Variants in FARS2 observed in about 807,000 individuals in gnomAD.
FARS2 encodes phenylalanine--tRNA ligase, mitochondrial.
Under a neutral mutation model 46.4 loss-of-function variants are expected in FARS2, and 40 were observed. The ratio of observed to expected loss-of-function variants is 0.86; its 90% CI spans 0.67 to 1.12. The LOEUF (loss-of-function observed/expected upper bound fraction) is 1.12, where lower values mean the gene tolerates loss of function less well. Among genes scored for constraint, FARS2 ranks in the 50% most tolerant of loss-of-function variants. The pLI, the probability that FARS2 is intolerant of heterozygous loss-of-function variation, is 0.00. For missense variants in FARS2, 513 were observed against 567.9 expected, an observed-to-expected ratio of 0.90 and a Z score of 0.98; for synonymous variants, 234 against 214.9, an observed-to-expected ratio of 1.09 and a Z score of -0.78.
At chr6:5,322,383 T>A (rs1352865357) in intron 1 of FARS2, among the ~76,000 whole-genome samples, 2 of 152,186 alleles carry the variant, frequency 1.3e-5, no homozygotes, top group East Asian at 1.9e-4. Context: ...ATAGAAAAGT[T>A]GGTTATGAAC....
intron 4 of FARS2, among the ~76,000 whole-genome samples, chr6:5,462,726 C>T (rs754600838): frequency 2.6e-5 from 4 of 152,182 alleles, no homozygotes; most frequent in Non-Finnish European, 2.9e-5. Flanking sequence ...GCTTTAGAAT[C>T]TATTTAAAAT....
intron 6 of FARS2, among the ~76,000 whole-genome samples, chr6:5,688,060 G>A (rs1036171217): frequency 1.3e-5 from 2 of 152,192 alleles, no homozygotes; most frequent in African/African-American, 4.8e-5. Flanking sequence ...TGTATCCTGA[G>A]ACTTTGCTGA....
intron 4 of FARS2, among the ~76,000 whole-genome samples, chr6:5,544,969 T>C (rs1299597874): frequency 6.6e-6 from 1 of 152,140 alleles, no homozygotes; most frequent in East Asian, 1.9e-4. Flanking sequence ...ACAGTATGAC[T>C]TCAGAATCCG....
intron 1 of FARS2, among the ~76,000 whole-genome samples, chr6:5,366,701 C>A (rs758875091): frequency 6.6e-6 from 1 of 152,134 alleles, no homozygotes; most frequent in Non-Finnish European, 1.5e-5. Context: ...GGAAAAGCAT[C>A]GACAGCAGCC....
At chr6:5,751,370 C>G (rs1477373472) in intron 6 of FARS2, among the ~76,000 whole-genome samples, 2 of 152,040 alleles carry the variant, frequency 1.3e-5, no homozygotes, top group Non-Finnish European at 2.9e-5. Flanking sequence ...ACAAATGCAT[C>G]AATTCTCAGC....
At chr6:5,439,040 G>T (rs1038495750) in intron 4 of FARS2, among the ~76,000 whole-genome samples, 2 of 152,166 alleles carry the variant, frequency 1.3e-5, no homozygotes, top group African/African-American at 2.4e-5. Context: ...TGATCAACCT[G>T]GTGAGCTCTA....
rs1772681844 is a variant in FARS2, at chr6:5,571,996, CTAGT to C, written c.1065+26661_1065+26664del. Among the ~76,000 whole-genome samples, 3 of 152,318 alleles carry C rather than the reference CTAGT, an allele frequency of 2.0e-5. No individual in the cohort carries two copies. In the South Asian group the frequency reaches 6.2e-4, roughly 32 times the overall value. ...CCCTCATCCTTTAATTTCTGCCAGCCTAGTTAGTCAGGCCCCTATCCTATATCAG... is the reference window on the plus strand; with the variant it reads ...CCCTCATCCTTTAATTTCTGCCAGCCTAGTCAGGCCCCTATCCTATATCAG... On this transcript the variant is annotated intron_variant, in intron 5 of 6. Coordinates refer to ENST00000274680, the MANE Select transcript of FARS2 (RefSeq NM_006567.5).
At chr6:5,363,368 G>A (rs911700074) in intron 1 of FARS2, among the ~76,000 whole-genome samples, 7 of 152,086 alleles carry the variant, frequency 4.6e-5, no homozygotes, top group Non-Finnish European at 1.0e-4. Flanking sequence ...ACTCTATTGA[G>A]TTTTTAAATA....
At chr6:5,601,446 C>T (rs1012477196) in intron 5 of FARS2, among the ~76,000 whole-genome samples, 1 of 143,008 alleles carries the variant, frequency 7.0e-6, no homozygotes, top group African/African-American at 2.7e-5. Context: ...ATCACTTGAA[C>T]TTGGGAGGCA....
chr6:5,652,898 G>C (rs1385994175), intron 6 of FARS2, among the ~76,000 whole-genome samples: 3 of 152,322 alleles, frequency 2.0e-5, no homozygotes, highest in Middle Eastern at 3.4e-3. Flanking sequence ...TCGTGTCCAG[G>C]ATCCTAAGAG....
chr6:5,674,528 C>T (rs903007473), intron 6 of FARS2, among the ~76,000 whole-genome samples: 1 of 152,100 alleles, frequency 6.6e-6, no homozygotes, highest in African/African-American at 2.4e-5. Context: ...TCTTATTTCC[C>T]GGCAACTGTA....
intron 6 of FARS2, among the ~76,000 whole-genome samples, chr6:5,655,677 CA>C (rs1309043631): frequency 6.6e-6 from 1 of 152,206 alleles, no homozygotes; most frequent in Non-Finnish European, 1.5e-5. Flanking sequence ...TCCACCCAGA[CA>C]ATACACATCT....
At chr6:5,545,472 G>A (rs2150501322) in intron 5 of FARS2, 132 bp downstream of exon 5, 1 of 691,146 alleles carries the variant, frequency 1.4e-6, no homozygotes, top group South Asian at 2.6e-5. Context: ...TTTAAGTTCT[G>A]GGATACATGT....
chr6:5,252,582 G>C, the FARS2 span, among the ~76,000 whole-genome samples: 3 of 152,140 alleles, frequency 2.0e-5, no homozygotes, highest in African/African-American at 7.2e-5. Context: ...CTAATCAATA[G>C]TTCTTCCCAC....
intron 4 of FARS2, among the ~76,000 whole-genome samples, chr6:5,527,200 C>A (rs1292641836): frequency 6.6e-6 from 1 of 152,256 alleles, no homozygotes; most frequent in African/African-American, 2.4e-5. Context: ...CAAGCTGGAA[C>A]TGACCCTGTA....
intron 5 of FARS2, among the ~76,000 whole-genome samples, chr6:5,586,403 A>C (rs1308797530): frequency 1.3e-5 from 2 of 152,140 alleles, no homozygotes; most frequent in Non-Finnish European, 2.9e-5. Flanking sequence ...TTATCATGAA[A>C]GGGTTGCATG....
intron 4 of FARS2, among the ~76,000 whole-genome samples, chr6:5,495,106 T>G (rs1767374654): frequency 6.6e-6 from 1 of 152,224 alleles, no homozygotes; most frequent in Non-Finnish European, 1.5e-5. Flanking sequence ...TCTCATTGCC[T>G]TCATTTTCTT....
At chr6:5,643,204 A>C (rs1776910572) in intron 6 of FARS2, among the ~76,000 whole-genome samples, 1 of 152,186 alleles carries the variant, frequency 6.6e-6, no homozygotes, top group African/African-American at 2.4e-5. Context: ...GGAGGGAGCA[A>C]ATGTACGTGG....
At chr6:5,347,453 C>T (rs1389788119) in intron 1 of FARS2, among the ~76,000 whole-genome samples, 1 of 152,076 alleles carries the variant, frequency 6.6e-6, no homozygotes, top group African/African-American at 2.4e-5. Context: ...CTTCACTTAT[C>T]AAATGTTTTT....
Sources: gnomAD v4.1 joint callset for allele counts (sites outside exome capture counted in the v4.1 genomes callset) on GRCh38, gnomAD v4.1.1 for gene constraint, MANE v1.5 for transcripts, NCBI Gene and HGNC (gene_info 2026-07-23, HGNC 2026-07-21) for gene names.